The following MLLT3 variants were observed in gnomAD, a reference collection of about 807,000 sequenced individuals.
MLLT3 encodes protein AF-9.
A neutral mutation model predicts 53.2 loss-of-function variants in MLLT3; 4 were observed. That is an observed-to-expected ratio of 0.08 (90% CI 0.04 to 0.17). MLLT3 has a LOEUF of 0.17. Among genes scored for constraint, MLLT3 ranks in the 10% least tolerant of loss-of-function variants. MLLT3 has a pLI of 1.00. For synonymous variants in MLLT3, 283 were observed against 230.6 expected (o/e 1.23, Z -2.06); for missense variants, 569 against 684.0 (o/e 0.83, Z 1.87).
At chr9:20,348,873 C>A (rs565788624) in intron 10 of MLLT3, among the ~76,000 whole-genome samples, 1 of 152,260 alleles carries the variant, frequency 6.6e-6, no homozygotes, top group East Asian at 1.9e-4. Context: ...CCCACAGAGG[C>A]TTTTCATGTC....
intron 2 of MLLT3, among the ~76,000 whole-genome samples, chr9:20,587,046 G>C (rs1213245155): frequency 1.3e-5 from 2 of 151,956 alleles, no homozygotes; most frequent in Non-Finnish European, 2.9e-5. Context: ...CCAATTATTT[G>C]ATAAAACCAA....
At chr9:20,567,455 G>T (rs1325808928) in intron 2 of MLLT3, among the ~76,000 whole-genome samples, 2 of 152,058 alleles carry the variant, frequency 1.3e-5, no homozygotes, top group African/African-American at 4.8e-5. Context: ...AAGCTATAGT[G>T]AGCCTAAACA....
At chr9:20,388,069 T>C (rs1822085890) in intron 5 of MLLT3, among the ~76,000 whole-genome samples, 1 of 152,180 alleles carries the variant, frequency 6.6e-6, no homozygotes, top group Non-Finnish European at 1.5e-5. Flanking sequence ...ATTTTGATTA[T>C]TACCTAGATG....
At position 20,342,225 on chromosome 9, in the gene MLLT3, G is replaced by A. The variant is rs1212967897; in HGVS notation, c.*4218C>T. 2 of 220,170 alleles carry A rather than the reference G, an allele frequency of 9.1e-6. No individual in the cohort carries two copies. Among genetic ancestry groups the A allele is most frequent in the African/African-American group, 4.5e-5 (2 of 44,650 alleles). 13.6% of individuals were successfully genotyped at this position (220,170 alleles called of 1,614,324 possible). A position where few individuals can be genotyped will look rare whatever the true frequency, so the allele number is the denominator to read the frequency against. Reference sequence around the variant, plus strand: ...AAAGGTGCTGAAACAGATTATATGAGTTTAAGTAAAACACCTATTTCTATC... The same window carrying A: ...AAAGGTGCTGAAACAGATTATATGAATTTAAGTAAAACACCTATTTCTATC... On this transcript the variant is annotated 3_prime_UTR_variant, in exon 11 of 11. Transcript: ENST00000380338.
At chr9:20,587,434 G>A (rs1280707778) in intron 2 of MLLT3, among the ~76,000 whole-genome samples, 1 of 152,062 alleles carries the variant, frequency 6.6e-6, no homozygotes, top group Non-Finnish European at 1.5e-5. Flanking sequence ...CAGTGCATAA[G>A]AGAGCCAAAA....
In MLLT3 at chr9:20,360,946, A is replaced by C. The variant is rs1049739451; in HGVS notation, c.1332-105T>G. On this transcript the variant is annotated intron_variant, in intron 7 of 10. Coordinates refer to ENST00000380338, the MANE Select transcript of MLLT3 (RefSeq NM_004529.4). ...CACAGAATCCAAACACTAACCCTTG[A>C]CAAGTTCATTTTAACTCACAGCCGC... 1.8e-5 allele frequency: 17 copies of C among 966,364 alleles called. No homozygotes were observed. The African/African-American group carries it at 2.4e-4, about 14-fold the overall frequency. The allele number at this position is 966,364 out of a possible 1,614,324, so 59.9% of individuals were successfully genotyped here.
chr9:20,563,099 T>G (rs1195125593), intron 2 of MLLT3, among the ~76,000 whole-genome samples: 1 of 152,078 alleles, frequency 6.6e-6, no homozygotes, highest in African/African-American at 2.4e-5. Flanking sequence ...TCAGACATGC[T>G]GGGGAAAGTT....
rs548623705 is a variant in MLLT3, at chr9:20,551,023, C to T, written c.193+69631G>A. On this transcript the variant is annotated intron_variant, in intron 2 of 10. Transcript: ENST00000380338. ...CAAGTAATCCTCCCACCTTAGCCTT[C>T]CAAAGACTGGGATTACAGGCGTGGG... Among the ~76,000 whole-genome samples the T allele has an allele frequency of 2.3e-3, 354 of 152,300 alleles. 1 individual carries two copies. Among genetic ancestry groups the T allele is most frequent in the Non-Finnish European group, 3.7e-3 (253 of 68,028 alleles).
intron 2 of MLLT3, among the ~76,000 whole-genome samples, chr9:20,508,233 G>A (rs2118955378): frequency 6.6e-6 from 1 of 152,196 alleles, no homozygotes; most frequent in East Asian, 1.9e-4. Context: ...AACAAGTAAG[G>A]ATGACAACAG....
At chr9:20,355,121 C>T (rs1413428644) in intron 8 of MLLT3, among the ~76,000 whole-genome samples, 1 of 126,234 alleles carries the variant, frequency 7.9e-6, no homozygotes, top group Non-Finnish European at 1.7e-5. Context: ...AAAAAAACAA[C>T]ACAGTTGATG....
intron 10 of MLLT3, among the ~76,000 whole-genome samples, chr9:20,351,602 A>G (rs1158800904): frequency 6.6e-6 from 1 of 152,216 alleles, no homozygotes; most frequent in Non-Finnish European, 1.5e-5. Flanking sequence ...AAACAAAGTT[A>G]TTAACCGCTT....
At chr9:20,359,701 G>A (rs1244839462) in intron 8 of MLLT3, among the ~76,000 whole-genome samples, 1 of 152,118 alleles carries the variant, frequency 6.6e-6, no homozygotes, top group African/African-American at 2.4e-5. Flanking sequence ...GTAACACAAA[G>A]ACCACGGATT....
intron 2 of MLLT3, among the ~76,000 whole-genome samples, chr9:20,536,125 C>T (rs568351336): frequency 1.3e-5 from 2 of 152,196 alleles, no homozygotes; most frequent in African/African-American, 4.8e-5. Context: ...GAAATCTATG[C>T]TTTGTCATTA....
intron 2 of MLLT3, among the ~76,000 whole-genome samples, chr9:20,609,463 T>C (rs1049298319): frequency 5.9e-5 from 9 of 152,080 alleles, no homozygotes; most frequent in Non-Finnish European, 7.4e-5. Flanking sequence ...TATTACTCTA[T>C]TGATAATAAA....
chr9:20,617,922 T>G (rs1440161740), intron 2 of MLLT3, among the ~76,000 whole-genome samples: 1 of 152,226 alleles, frequency 6.6e-6, no homozygotes, highest in Non-Finnish European at 1.5e-5. Flanking sequence ...TCCTACAAAT[T>G]CTAATATTAC....
Position 20,345,505 on chromosome 9 carries a change from T to A in MLLT3, c.*938A>T, listed in dbSNP as rs10124044. 325 of 203,056 alleles carry A rather than the reference T, an allele frequency of 1.6e-3. 5 individuals are homozygous for A. Among genetic ancestry groups the A allele is most frequent in the African/African-American group, 6.5e-3 (283 of 43,774 alleles). 12.6% of individuals were successfully genotyped at this position (203,056 alleles called of 1,614,324 possible). A position where few individuals can be genotyped will look rare whatever the true frequency, so the allele number is the denominator to read the frequency against. On this transcript the variant is annotated 3_prime_UTR_variant, in exon 11 of 11. Transcript: ENST00000380338. ...AAACAGGACCAGAATTCTTTTTTTT[T>A]AAATGATGATCCTGTGGAATGCCTT... is the stretch of plus-strand genomic sequence containing the variant.
chr9:20,611,325 G>C (rs369097562), intron 2 of MLLT3, among the ~76,000 whole-genome samples: 1 of 152,114 alleles, frequency 6.6e-6, no homozygotes, highest in South Asian at 2.1e-4. Context: ...AAAACATTAA[G>C]AGGCAAATTA....
chr9:20,527,721 G>A (rs913946393), intron 2 of MLLT3, among the ~76,000 whole-genome samples: 1 of 152,144 alleles, frequency 6.6e-6, no homozygotes. Context: ...TTTCATATAG[G>A]TAATGTTTGG....
At chr9:20,584,214 G>A (rs951859081) in intron 2 of MLLT3, among the ~76,000 whole-genome samples, 2 of 152,108 alleles carry the variant, frequency 1.3e-5, no homozygotes, top group African/African-American at 4.8e-5. Flanking sequence ...TTCCCAACAA[G>A]TTCCTCATCT....
Sources: gnomAD v4.1 joint callset for allele counts (sites outside exome capture counted in the v4.1 genomes callset) on GRCh38, gnomAD v4.1.1 for gene constraint, MANE v1.5 for transcripts, NCBI Gene and HGNC (gene_info 2026-07-23, HGNC 2026-07-21) for gene names.